C10orf90: variants seen among roughly 807,000 people sequenced by gnomAD.
C10orf90 encodes the protein chromosome 10 open reading frame 90.
C10orf90 carries 56 observed loss-of-function variants against 62.5 expected under a neutral mutation model. That is an observed-to-expected ratio of 0.90 (90% CI 0.72 to 1.12). The LOEUF (loss-of-function observed/expected upper bound fraction) is 1.12. Ranked by LOEUF, C10orf90 falls within the 50% of genes most tolerant of loss-of-function variation. The pLI is 0.00. For synonymous variants in C10orf90, 386 were observed against 340.4 expected, an observed-to-expected ratio of 1.13 and a Z score of -1.47; for missense variants, 970 against 880.4, an observed-to-expected ratio of 1.10 and a Z score of -1.29.
intron 2 of C10orf90, among the ~76,000 whole-genome samples, chr10:126,636,125 A>C (rs1845945847): frequency 6.6e-6 from 1 of 152,162 alleles, no homozygotes; most frequent in Non-Finnish European, 1.5e-5. Context: ...AAGAAGCCAG[A>C]CCTTACCTGT....
intron 2 of C10orf90, among the ~76,000 whole-genome samples, chr10:126,596,492 T>A (rs564622942): frequency 6.6e-6 from 1 of 152,258 alleles, no homozygotes; most frequent in East Asian, 1.9e-4. Context: ...TCACTTATGA[T>A]GGGGTTACAT....
At chr10:126,540,100 G>GA (rs1333106263) in intron 2 of C10orf90, among the ~76,000 whole-genome samples, 1 of 152,002 alleles carries the variant, frequency 6.6e-6, no homozygotes, top group Non-Finnish European at 1.5e-5. Flanking sequence ...AATATCAGGA[G>GA]AAAAAATTAA....
At chr10:126,621,799 A>G (rs1845648539) in intron 2 of C10orf90, among the ~76,000 whole-genome samples, 4 of 152,238 alleles carry the variant, frequency 2.6e-5, no homozygotes. Context: ...TGGAAACTTT[A>G]AAGAGAATTC....
intron 4 of C10orf90, among the ~76,000 whole-genome samples, chr10:126,487,679 T>C (rs1166260570): frequency 1.3e-5 from 2 of 152,146 alleles, no homozygotes; most frequent in African/African-American, 4.8e-5. Context: ...TCCACTTTGA[T>C]GCACCACCAA....
chr10:126,465,757 A>G (rs1045863396), intron 4 of C10orf90, among the ~76,000 whole-genome samples: 1 of 152,208 alleles, frequency 6.6e-6, no homozygotes, highest in African/African-American at 2.4e-5. Context: ...TTGATAGGGG[A>G]CTAATTAAAT....
chr10:126,510,118 A>G (rs1370118719), intron 3 of C10orf90, among the ~76,000 whole-genome samples: 1 of 152,140 alleles, frequency 6.6e-6, no homozygotes, highest in East Asian at 1.9e-4. Flanking sequence ...ACCCACCCTA[A>G]TGACCTCACT....
chr10:126,622,078 G>A (rs1169240458), intron 2 of C10orf90, among the ~76,000 whole-genome samples: 5 of 152,170 alleles, frequency 3.3e-5, no homozygotes, highest in Middle Eastern at 6.8e-3. Flanking sequence ...CACCCAGAAC[G>A]TGTTCCTTTT....
At chr10:126,547,039 G>T (rs1384521437) in intron 2 of C10orf90, among the ~76,000 whole-genome samples, 1 of 151,958 alleles carries the variant, frequency 6.6e-6, no homozygotes, top group Non-Finnish European at 1.5e-5. Context: ...GGCACAGGAG[G>T]TGGAGATTGC....
chr10:126,435,650 C>A (rs921270772), intron 7 of C10orf90, among the ~76,000 whole-genome samples: 1 of 152,164 alleles, frequency 6.6e-6, no homozygotes, highest in African/African-American at 2.4e-5. Context: ...GATCCCAGAC[C>A]TCCAAGTCAA....
chr10:126,526,248 T>C (rs965788468), intron 2 of C10orf90, among the ~76,000 whole-genome samples: 2 of 150,534 alleles, frequency 1.3e-5, no homozygotes, highest in African/African-American at 4.9e-5. Context: ...CAATTGACTT[T>C]TTTTTTTTTT....
chr10:126,540,471 C>T (rs1322610764), intron 2 of C10orf90, among the ~76,000 whole-genome samples: 1 of 152,072 alleles, frequency 6.6e-6, no homozygotes, highest in East Asian at 1.9e-4. Context: ...CCAGCCTGGG[C>T]AACACAGTGA....
intron 2 of C10orf90, among the ~76,000 whole-genome samples, chr10:126,534,528 TC>T (rs1055064694): frequency 6.6e-6 from 1 of 152,180 alleles, no homozygotes; most frequent in Non-Finnish European, 1.5e-5. Flanking sequence ...ACCTGCTCTC[TC>T]CTTTTATGGG....
At chr10:126,615,801 G>C (rs906221895) in intron 2 of C10orf90, among the ~76,000 whole-genome samples, 1 of 152,168 alleles carries the variant, frequency 6.6e-6, no homozygotes, top group Non-Finnish European at 1.5e-5. Context: ...GAGAGACACA[G>C]AAAAGTCCAA....
At chr10:126,656,550 A>T (rs1846398168) in intron 1 of C10orf90, among the ~76,000 whole-genome samples, 1 of 152,210 alleles carries the variant, frequency 6.6e-6, no homozygotes, top group Non-Finnish European at 1.5e-5. Context: ...CATTTCTTTA[A>T]TTAAGATGCT....
At chr10:126,562,626 C>T (rs553517253) in intron 2 of C10orf90, among the ~76,000 whole-genome samples, 13 of 152,282 alleles carry the variant, frequency 8.5e-5, no homozygotes, top group African/African-American at 3.1e-4. Context: ...TCTCCCTTCC[C>T]TGGGATAGGA....
intron 1 of C10orf90, among the ~76,000 whole-genome samples, chr10:126,662,631 C>T (rs1846539361): frequency 6.6e-6 from 1 of 152,214 alleles, no homozygotes; most frequent in South Asian, 2.1e-4. Context: ...ATGTCCTCCC[C>T]TTCCCTATTT....
chr10:126,454,574 CAG>C (rs1446383331), intron 7 of C10orf90, among the ~76,000 whole-genome samples: 5 of 151,524 alleles, frequency 3.3e-5, no homozygotes, highest in Non-Finnish European at 7.4e-5. Context: ...CTACTGCCTG[CAG>C]AGACTGTGTC....
At chr10:126,468,827 C>A (rs1860424030) in intron 4 of C10orf90, among the ~76,000 whole-genome samples, 1 of 152,196 alleles carries the variant, frequency 6.6e-6, no homozygotes, top group Non-Finnish European at 1.5e-5. Context: ...CCAGCCCATG[C>A]AGGTCCTTAG....
intron 4 of C10orf90, among the ~76,000 whole-genome samples, chr10:126,492,078 G>A (rs1294210908): frequency 2.0e-5 from 3 of 152,184 alleles, no homozygotes; most frequent in African/African-American, 7.2e-5. Flanking sequence ...ACAGAAAAAG[G>A]ACATTAGAAG....
Sources: gnomAD v4.1 joint callset for allele counts (sites outside exome capture counted in the v4.1 genomes callset) on GRCh38, gnomAD v4.1.1 for gene constraint, MANE v1.5 for transcripts, NCBI Gene and HGNC (gene_info 2026-07-23, HGNC 2026-07-21) for gene names.